Variants in DPP10 observed in about 807,000 individuals in gnomAD.
DPP10 encodes the protein dipeptidyl peptidase like 10, also known as inactive dipeptidyl peptidase 10.
DPP10 carries 33 observed loss-of-function variants against 120.9 expected under a neutral mutation model. The observed-to-expected ratio is 0.27, with a 90% CI of 0.21 to 0.37. The LOEUF (loss-of-function observed/expected upper bound fraction) is 0.37. DPP10 is among the 10% of genes least tolerant of loss of function. The probability of loss-of-function intolerance (pLI) is 1.00; values close to 1 mark genes in which losing one functional copy is unlikely to be tolerated. For missense variants in DPP10, 816 were observed against 942.8 expected (o/e 0.87, Z 1.76); for synonymous variants, 337 against 326.1 (o/e 1.03, Z -0.36).
intron 1 of DPP10, among the ~76,000 whole-genome samples, chr2:114,642,023 T>G (rs1314542532): frequency 6.6e-6 from 1 of 151,968 alleles, no homozygotes; most frequent in Non-Finnish European, 1.5e-5. Flanking sequence ...GAAAGTCTTT[T>G]GATTTTAGAA....
chr2:114,871,487 A>G (rs964220956), intron 1 of DPP10, among the ~76,000 whole-genome samples: 9 of 152,348 alleles, frequency 5.9e-5, no homozygotes, highest in African/African-American at 2.2e-4. Context: ...AACCAACCTA[A>G]TAAGAGTCTT....
intron 5 of DPP10, among the ~76,000 whole-genome samples, chr2:115,669,405 G>C (rs2089703543): frequency 6.6e-6 from 1 of 152,098 alleles, no homozygotes; most frequent in Non-Finnish European, 1.5e-5. Context: ...AAAAATTAAA[G>C]TCAATTCTTA....
chr2:115,182,705 A>G (rs1170857818), intron 1 of DPP10, among the ~76,000 whole-genome samples: 1 of 152,174 alleles, frequency 6.6e-6, no homozygotes, highest in African/African-American at 2.4e-5. Flanking sequence ...TCCTTGGAAT[A>G]AGTGAAGGTG....
chr2:115,499,837 A>C (rs1194639495), intron 4 of DPP10, among the ~76,000 whole-genome samples: 1 of 152,048 alleles, frequency 6.6e-6, no homozygotes, highest in Non-Finnish European at 1.5e-5. Context: ...TATTTCCAAA[A>C]ATAGTAGTTG....
chr2:115,036,666 G>A (rs192558125), intron 1 of DPP10, among the ~76,000 whole-genome samples: 12 of 152,206 alleles, frequency 7.9e-5, no homozygotes. Flanking sequence ...AGCTGCATGT[G>A]AGCACTATTG....
At chr2:115,546,433 C>T (rs187237215) in intron 5 of DPP10, among the ~76,000 whole-genome samples, 8 of 152,222 alleles carry the variant, frequency 5.3e-5, no homozygotes, top group African/African-American at 1.7e-4. Context: ...TCAATGGGTT[C>T]CTTTACAATG....
intron 5 of DPP10, among the ~76,000 whole-genome samples, chr2:115,652,409 ATG>A (rs71394158): frequency 0.38 from 55,023 of 145,346 alleles, 11,299 homozygotes; most frequent in Non-Finnish European, 0.48. Context: ...TAGGATATAT[ATG>A]TGTGTGTGTG....
chr2:115,297,145 C>T (rs2060921470), intron 1 of DPP10: 1 of 170,118 alleles, frequency 5.9e-6, no homozygotes, highest in African/African-American at 2.4e-5. Context: ...ATGTGAGCAG[C>T]ATGAGCCTGT....
intron 5 of DPP10, among the ~76,000 whole-genome samples, chr2:115,647,839 C>T (rs2087403458): frequency 1.3e-5 from 2 of 152,230 alleles, no homozygotes. Context: ...CAACAGCTCT[C>T]ATTGCTTAAG....
chr2:115,300,007 T>C (rs1293652706), intron 1 of DPP10, among the ~76,000 whole-genome samples: 1 of 152,090 alleles, frequency 6.6e-6, no homozygotes, highest in Non-Finnish European at 1.5e-5. Flanking sequence ...TCTAATAACA[T>C]TTTGTGGTTT....
At chr2:115,678,914 C>T (rs1490693180) in intron 5 of DPP10, among the ~76,000 whole-genome samples, 5 of 152,216 alleles carry the variant, frequency 3.3e-5, no homozygotes, top group Admixed American at 1.3e-4. Context: ...TTAATGAATG[C>T]CCTCTTGGAT....
chr2:114,545,510 T>A (rs758943618), intron 1 of DPP10, among the ~76,000 whole-genome samples: 1 of 152,192 alleles, frequency 6.6e-6, no homozygotes, highest in Non-Finnish European at 1.5e-5. Context: ...GAGATCAACA[T>A]ACAATGTCTT....
At chr2:114,998,944 T>A (rs182691717) in intron 1 of DPP10, among the ~76,000 whole-genome samples, 103 of 152,274 alleles carry the variant, frequency 6.8e-4, no homozygotes, top group African/African-American at 2.4e-3. Flanking sequence ...GTTCATATGA[T>A]TTGACTGAAC....
intron 21 of DPP10, 120 bp downstream of exon 21, chr2:115,815,849 T>C: frequency 9.6e-7 from 1 of 1,038,064 alleles, no homozygotes; most frequent in Non-Finnish European, 1.4e-6. Context: ...TGGGATTCCA[T>C]ACTTATTAAC....
At chr2:115,503,604 T>G (rs1386363457) in intron 4 of DPP10, among the ~76,000 whole-genome samples, 6 of 152,158 alleles carry the variant, frequency 3.9e-5, no homozygotes, top group Admixed American at 2.6e-4. Context: ...ATGGATGATT[T>G]GTTAATTATT....
At position 114,442,674 on chromosome 2, in the gene DPP10, A is replaced by G; in HGVS notation, c.-105A>G. ...CAGAAGCAACAGCAGTAGCAGCGGC[A>G]GCAGCAACAGCAGCAGCCCCTACTG... On this transcript the variant is annotated 5_prime_UTR_variant, in exon 1 of 26. Transcript: ENST00000410059. 8.0e-7 allele frequency: 1 copy of G among 1,249,504 alleles called. No individual in the cohort carries two copies. The highest frequency in any genetic ancestry group is 1.1e-6 in the Non-Finnish European group (1 of 869,620). The allele number at this position is 1,249,504 out of a possible 1,614,324, so 77.4% of individuals were successfully genotyped here. A position where few individuals can be genotyped will look rare whatever the true frequency, so the allele number is the denominator to read the frequency against.
At chr2:115,198,545 T>C (rs2055454395) in intron 1 of DPP10, among the ~76,000 whole-genome samples, 1 of 152,246 alleles carries the variant, frequency 6.6e-6, no homozygotes, top group African/African-American at 2.4e-5. Flanking sequence ...TCTGGAATTA[T>C]CTTCTCTCAG....
chr2:114,768,140 A>G (rs1156232399), intron 1 of DPP10, among the ~76,000 whole-genome samples: 1 of 151,462 alleles, frequency 6.6e-6, no homozygotes, highest in Non-Finnish European at 1.5e-5. Context: ...AAAAAAAAAA[A>G]AAAAAAGTTC....
chr2:114,821,680 A>G (rs755587401), intron 1 of DPP10, among the ~76,000 whole-genome samples: 18 of 152,210 alleles, frequency 1.2e-4, no homozygotes, highest in Non-Finnish European at 1.5e-5. Flanking sequence ...AATGGGGTAC[A>G]GGCATTGGTT....
Sources: allele counts gnomAD v4.1 joint callset (sites outside exome capture counted in the v4.1 genomes callset), GRCh38; gene constraint gnomAD v4.1.1; transcripts MANE v1.5; gene names NCBI Gene and HGNC (gene_info 2026-07-23, HGNC 2026-07-21).